CCBE1: variants seen among roughly 807,000 people sequenced by gnomAD.
CCBE1 encodes collagen and calcium binding EGF domains 1, also known as collagen and calcium-binding EGF domain-containing protein 1.
Under a neutral mutation model 50.0 loss-of-function variants are expected in CCBE1, and 37 were observed. That is an observed-to-expected ratio of 0.74 (90% confidence interval 0.57 to 0.97). The LOEUF (loss-of-function observed/expected upper bound fraction) is 0.97, where lower values mean the gene tolerates loss of function less well. CCBE1 is among the 50% of genes least tolerant of loss of function. The pLI, the probability that CCBE1 is intolerant of heterozygous loss-of-function variation, is 0.00. For missense variants in CCBE1, 538 were observed against 523.8 expected, an observed-to-expected ratio of 1.03 and a Z score of -0.26; for synonymous variants, 234 against 203.7, an observed-to-expected ratio of 1.15 and a Z score of -1.27.
chr18:59,472,060 G>C (rs1466836342), intron 3 of CCBE1, among the ~76,000 whole-genome samples: 1 of 152,210 alleles, frequency 6.6e-6, no homozygotes, highest in Non-Finnish European at 1.5e-5. Context: ...TGCAAAATCA[G>C]CCTCACTATA....
intron 2 of CCBE1, among the ~76,000 whole-genome samples, chr18:59,515,684 T>A (rs1008832451): frequency 2.2e-4 from 34 of 152,318 alleles, no homozygotes; most frequent in African/African-American, 8.2e-4. Flanking sequence ...TGCTCCCCTC[T>A]AACTCTCATA....
rs897954000 is a variant in CCBE1 at position 59,466,836 on chromosome 18, A to G, written c.456T>C (p.Asn152=). Residue 152 remains asparagine (N), a synonymous_variant, in exon 5 of 11, where the codon AAT becomes AAC. Coordinates refer to ENST00000439986, the MANE Select transcript of CCBE1 (RefSeq NM_133459.4). ...NGTLCAHICI[N]TLGSYRCECR... Reference sequence around the variant, plus strand: ...ACTCGCAGCGGTAGCTGCCCAAGGTATTGATGCAGATGTGGGCACACAGCG... The same window carrying G: ...ACTCGCAGCGGTAGCTGCCCAAGGTGTTGATGCAGATGTGGGCACACAGCG... 3 of 1,613,518 alleles carry G rather than the reference A, an allele frequency of 1.9e-6. No homozygotes were observed. Among genetic ancestry groups the G allele is most frequent in the Non-Finnish European group, 2.5e-6 (3 of 1,179,824 alleles).
chr18:59,660,794 C>A (rs1264649963), intron 2 of CCBE1, among the ~76,000 whole-genome samples: 1 of 152,058 alleles, frequency 6.6e-6, no homozygotes, highest in Admixed American at 6.6e-5. Context: ...ATGTGATTCA[C>A]GGAAGCAATC....
chr18:59,607,650 G>A (rs898007409), intron 2 of CCBE1, among the ~76,000 whole-genome samples: 1 of 152,196 alleles, frequency 6.6e-6, no homozygotes, highest in African/African-American at 2.4e-5. Flanking sequence ...ACCTCGCTGA[G>A]CTTGAAAGCT....
At chr18:59,567,763 C>A (rs751975081) in intron 2 of CCBE1, among the ~76,000 whole-genome samples, 7 of 152,172 alleles carry the variant, frequency 4.6e-5, no homozygotes, top group Non-Finnish European at 1.0e-4. Flanking sequence ...CTACCACCAC[C>A]ACACTGTTCT....
At chr18:59,527,089 T>C (rs111995019) in intron 2 of CCBE1, among the ~76,000 whole-genome samples, 3,348 of 152,292 alleles carry the variant, frequency 0.022, 113 homozygotes, top group African/African-American at 0.075. Context: ...GATCTAATAT[T>C]GACAGTGGGG....
intron 2 of CCBE1, among the ~76,000 whole-genome samples, chr18:59,694,207 A>G (rs1011422156): frequency 1.3e-5 from 2 of 152,148 alleles, no homozygotes; most frequent in African/African-American, 4.8e-5. Context: ...ACACACTTCA[A>G]GTTCAGAAGT....
intron 2 of CCBE1, among the ~76,000 whole-genome samples, chr18:59,534,805 C>T (rs539756292): frequency 2.4e-3 from 364 of 152,302 alleles, no homozygotes; most frequent in Non-Finnish European, 4.1e-3. Context: ...GAATTCACAG[C>T]CTGTACATTT....
intron 7 of CCBE1, among the ~76,000 whole-genome samples, chr18:59,442,326 G>A (rs541159941): frequency 2.6e-5 from 4 of 152,308 alleles, no homozygotes; most frequent in Admixed American, 2.6e-4. Context: ...CATTGTACAT[G>A]CTTGCAGTAT....
At chr18:59,527,927 A>C (rs1914893462) in intron 2 of CCBE1, among the ~76,000 whole-genome samples, 1 of 152,096 alleles carries the variant, frequency 6.6e-6, no homozygotes, top group Admixed American at 6.5e-5. Context: ...CCTGCATTTC[A>C]ACCTTGGAGA....
At chr18:59,460,210 G>A (rs1450323933) in intron 5 of CCBE1, among the ~76,000 whole-genome samples, 1 of 152,180 alleles carries the variant, frequency 6.6e-6, no homozygotes, top group Non-Finnish European at 1.5e-5. Context: ...AACCTCTCAA[G>A]CCTCAGAGGC....
intron 3 of CCBE1, among the ~76,000 whole-genome samples, chr18:59,476,705 T>C (rs956638969): frequency 1.3e-5 from 2 of 152,200 alleles, no homozygotes; most frequent in Non-Finnish European, 2.9e-5. Context: ...TTCCACTCAT[T>C]AGTTAACGTA....
chr18:59,681,491 A>C (rs2054587386), intron 2 of CCBE1, among the ~76,000 whole-genome samples: 1 of 152,204 alleles, frequency 6.6e-6, no homozygotes, highest in Non-Finnish European at 1.5e-5. Flanking sequence ...CTTTTTAGGA[A>C]GGGAGTGGGT....
intron 2 of CCBE1, among the ~76,000 whole-genome samples, chr18:59,658,289 C>A (rs1490417638): frequency 9.6e-6 from 1 of 104,486 alleles, no homozygotes; most frequent in Non-Finnish European, 1.9e-5. Context: ...GAGTTTGAGA[C>A]CAGCCTGAGC....
Position 59,594,729 on chromosome 18 carries a change from T to C in CCBE1, c.212+101900A>G, listed in dbSNP as rs530676988. 2.0e-5 allele frequency among the ~76,000 whole-genome samples: 3 copies of C among 152,224 alleles called. No individual in the cohort carries two copies. In the South Asian group the frequency reaches 6.2e-4, roughly 32 times the overall value. On this transcript the variant is annotated intron_variant, in intron 2 of 10. Coordinates refer to ENST00000439986, the MANE Select transcript of CCBE1 (RefSeq NM_133459.4). Reference sequence around the variant, plus strand: ...TGCTACTCACTTTGTCAACAGTACATCTTTAACCCGAGTCTGCACCCTATG... The same window carrying C: ...TGCTACTCACTTTGTCAACAGTACACCTTTAACCCGAGTCTGCACCCTATG...
At chr18:59,460,961 AAATAAAT>A (rs1470818547) in intron 5 of CCBE1, among the ~76,000 whole-genome samples, 2 of 149,978 alleles carry the variant, frequency 1.3e-5, no homozygotes, top group Non-Finnish European at 3.0e-5. Context: ...ATAAATAAAT[AAATAAAT>A]AATAAAATAA....
intron 2 of CCBE1, among the ~76,000 whole-genome samples, chr18:59,512,492 G>A (rs754740448): frequency 3.3e-5 from 5 of 152,256 alleles, no homozygotes; most frequent in African/African-American, 1.2e-4. Flanking sequence ...AATTTCAGCA[G>A]GAGTTAGAAA....
At chr18:59,524,224 G>A (rs1914722989) in intron 2 of CCBE1, among the ~76,000 whole-genome samples, 1 of 152,172 alleles carries the variant, frequency 6.6e-6, no homozygotes, top group African/African-American at 2.4e-5. Flanking sequence ...GGAGGCTGAA[G>A]CAGGAGAATC....
At chr18:59,585,592 A>G (rs2053168199) in intron 2 of CCBE1, among the ~76,000 whole-genome samples, 1 of 152,200 alleles carries the variant, frequency 6.6e-6, no homozygotes, top group Admixed American at 6.5e-5. Context: ...CAGAGGTGGA[A>G]AAGTGGCAAA....
Sources: allele counts gnomAD v4.1 joint callset (sites outside exome capture counted in the v4.1 genomes callset), GRCh38; gene constraint gnomAD v4.1.1; transcripts MANE v1.5; gene names NCBI Gene and HGNC (gene_info 2026-07-23, HGNC 2026-07-21).